BRINP3: variants seen among roughly 807,000 people sequenced by gnomAD.
The protein encoded by BRINP3 is BMP/retinoic acid-inducible neural-specific protein 3.
A neutral mutation model predicts 71.0 loss-of-function variants in BRINP3; 19 were observed. The ratio of observed to expected loss-of-function variants is 0.27; its 90% confidence interval spans 0.19 to 0.39. The LOEUF (loss-of-function observed/expected upper bound fraction) is 0.39. BRINP3 is among the 10% of genes least tolerant of loss of function. BRINP3 has a pLI of 1.00. For missense variants in BRINP3, 959 were observed against 940.8 expected, an observed-to-expected ratio of 1.02 and a Z score of -0.25; for synonymous variants, 380 against 337.7, an observed-to-expected ratio of 1.13 and a Z score of -1.37.
chr1:190,116,615 A>G (rs1653158078), intron 7 of BRINP3, among the ~76,000 whole-genome samples: 1 of 152,056 alleles, frequency 6.6e-6, no homozygotes. Flanking sequence ...AAACATAACA[A>G]TCTAAAGGGA....
chr1:190,432,209 A>G (rs890641664), intron 2 of BRINP3, among the ~76,000 whole-genome samples: 3 of 152,188 alleles, frequency 2.0e-5, no homozygotes, highest in Non-Finnish European at 2.9e-5. Flanking sequence ...CCCAGTAAAT[A>G]TAGCTTTCTT....
intron 1 of BRINP3, among the ~76,000 whole-genome samples, chr1:190,469,618 C>T (rs536588743): frequency 2.7e-5 from 4 of 150,906 alleles, no homozygotes; most frequent in East Asian, 1.9e-4. Flanking sequence ...ACAGGGCTGA[C>T]GTTTCAAACC....
chr1:190,178,365 ATGT>A (rs906604629), intron 6 of BRINP3, among the ~76,000 whole-genome samples: 2 of 152,036 alleles, frequency 1.3e-5, no homozygotes, highest in African/African-American at 2.4e-5. Context: ...ATATTAGTTT[ATGT>A]TGTTATTATT....
At chr1:190,301,198 CACATACATATATATATAT>C (rs1558160567) in intron 2 of BRINP3, among the ~76,000 whole-genome samples, 97 of 26,666 alleles carry the variant, frequency 3.6e-3, no homozygotes, top group Admixed American at 8.1e-3. Context: ...TATATATATA[CACATACATATATATATAT>C]ATATATATAT....
chr1:190,105,201 G>T (rs1387216102), intron 7 of BRINP3, among the ~76,000 whole-genome samples: 2 of 151,958 alleles, frequency 1.3e-5, no homozygotes, highest in Admixed American at 6.6e-5. Flanking sequence ...ACACACAACA[G>T]TTTCACTCTT....
At chr1:190,113,361 T>C (rs1484199640) in intron 7 of BRINP3, among the ~76,000 whole-genome samples, 4 of 152,148 alleles carry the variant, frequency 2.6e-5, no homozygotes, top group Non-Finnish European at 5.9e-5. Context: ...GCAATGTCAC[T>C]TCAGTTTATT....
chr1:190,318,539 A>T (rs1346814782), intron 2 of BRINP3, among the ~76,000 whole-genome samples: 1 of 152,158 alleles, frequency 6.6e-6, no homozygotes, highest in Non-Finnish European at 1.5e-5. Flanking sequence ...CTTATAGGCT[A>T]AAGCTTCTTC....
chr1:190,339,317 G>GA (rs919638199), intron 2 of BRINP3, among the ~76,000 whole-genome samples: 6 of 151,712 alleles, frequency 4.0e-5, no homozygotes, highest in African/African-American at 7.3e-5. Context: ...TCCTAGACTA[G>GA]AAAAAAACAA....
intron 4 of BRINP3, among the ~76,000 whole-genome samples, chr1:190,260,059 C>A: frequency 7.3e-6 from 1 of 136,210 alleles, no homozygotes. Flanking sequence ...AAAGAAGCAA[C>A]TTAAGAACCA....
chr1:190,436,962 A>T (rs1474783025), intron 2 of BRINP3, among the ~76,000 whole-genome samples: 1 of 151,848 alleles, frequency 6.6e-6, no homozygotes, highest in East Asian at 1.9e-4. Context: ...TCAGATACAT[A>T]AGCGATTACA....
intron 7 of BRINP3, among the ~76,000 whole-genome samples, chr1:190,110,213 A>G (rs1172805046): frequency 1.3e-5 from 2 of 152,160 alleles, no homozygotes; most frequent in Non-Finnish European, 2.9e-5. Context: ...AGTAAGGTAC[A>G]CCAGATACCT....
chr1:190,333,451 G>T (rs1667091335), intron 2 of BRINP3, among the ~76,000 whole-genome samples: 1 of 151,654 alleles, frequency 6.6e-6, no homozygotes, highest in Non-Finnish European at 1.5e-5. Context: ...TCAAAATAAA[G>T]TTAATAGAGT....
chr1:190,293,095 C>G (rs920368282), intron 2 of BRINP3, among the ~76,000 whole-genome samples: 1 of 151,990 alleles, frequency 6.6e-6, no homozygotes, highest in Non-Finnish European at 1.5e-5. Context: ...ATTTACTTCT[C>G]TACATTTCTT....
chr1:190,148,644 TAAA>T (rs1558008944), intron 7 of BRINP3, among the ~76,000 whole-genome samples: 14 of 149,126 alleles, frequency 9.4e-5, no homozygotes, highest in East Asian at 3.9e-4. Flanking sequence ...AATAAATAAA[TAAA>T]TAAATTCTAT....
chr1:190,188,209 G>A (rs1236135996), intron 6 of BRINP3, among the ~76,000 whole-genome samples: 1 of 152,018 alleles, frequency 6.6e-6, no homozygotes, highest in Non-Finnish European at 1.5e-5. Flanking sequence ...ATTTCTGAAG[G>A]TTGATTTTGT....
At chr1:190,366,760 AG>A (rs1356972055) in intron 2 of BRINP3, among the ~76,000 whole-genome samples, 1 of 152,182 alleles carries the variant, frequency 6.6e-6, no homozygotes, top group African/African-American at 2.4e-5. Flanking sequence ...GCCAAAACAA[AG>A]GGGCTACAGT....
At chr1:190,399,451 G>A (rs954434378) in intron 2 of BRINP3, among the ~76,000 whole-genome samples, 17 of 151,808 alleles carry the variant, frequency 1.1e-4, no homozygotes, top group Non-Finnish European at 1.6e-4. Flanking sequence ...GTGACACTTC[G>A]CGAGCATGAA....
chr1:190,266,748 A>C (rs1205817769), intron 3 of BRINP3, among the ~76,000 whole-genome samples: 1 of 152,198 alleles, frequency 6.6e-6, no homozygotes, highest in Non-Finnish European at 1.5e-5. Flanking sequence ...GCCAAAACAT[A>C]CAAATACCCT....
At chr1:190,420,243 T>A (rs890400056) in intron 2 of BRINP3, among the ~76,000 whole-genome samples, 15 of 152,092 alleles carry the variant, frequency 9.9e-5, no homozygotes, top group Non-Finnish European at 1.9e-4. Flanking sequence ...ATTGTCCCAA[T>A]ATATCACACT....
Sources: allele counts gnomAD v4.1 joint callset (sites outside exome capture counted in the v4.1 genomes callset), GRCh38; gene constraint gnomAD v4.1.1; transcripts MANE v1.5; gene names NCBI Gene and HGNC (gene_info 2026-07-23, HGNC 2026-07-21).